Variants in CACNG2 observed in about 807,000 individuals in gnomAD.
CACNG2 encodes voltage-dependent calcium channel gamma-2 subunit.
In CACNG2, 3 loss-of-function variants were observed where a neutral mutation model predicts 25.9. The ratio of observed to expected loss-of-function variants is 0.12; its 90% CI spans 0.05 to 0.30. The LOEUF is 0.30. Among genes scored for constraint, CACNG2 ranks in the 10% least tolerant of loss-of-function variants. The pLI is 1.00. For synonymous variants in CACNG2, 167 were observed against 173.3 expected, an observed-to-expected ratio of 0.96 and a Z score of 0.29; for missense variants, 341 against 432.5, an observed-to-expected ratio of 0.79 and a Z score of 1.88.
chr22:36,667,772 A>G (rs116976826), intron 1 of CACNG2, among the ~76,000 whole-genome samples: 4 of 152,284 alleles, frequency 2.6e-5, no homozygotes, highest in Non-Finnish European at 5.9e-5. Context: ...TCCTTCGAGA[A>G]ATTAGGTCAC....
intron 1 of CACNG2, among the ~76,000 whole-genome samples, chr22:36,609,132 G>T (rs1471634653): frequency 6.6e-6 from 1 of 152,002 alleles, no homozygotes; most frequent in African/African-American, 2.4e-5. Context: ...CCTAGAGTGT[G>T]ATCGGGCAGG....
At chr22:36,691,816 C>A (rs1300180254) in intron 1 of CACNG2, among the ~76,000 whole-genome samples, 1 of 152,098 alleles carries the variant, frequency 6.6e-6, no homozygotes, top group Non-Finnish European at 1.5e-5. Context: ...CGAATGACTA[C>A]CTATTATTAT....
At position 36,702,339 on chromosome 22, in the gene CACNG2, G is replaced by A. The variant is rs765996670; in HGVS notation, c.211+27C>T. ...TGAAAGGGGAGGGGTGGGGTGGAGA[G>A]GGGGGAGGAGATGGGAAGTCAAGTA... On this transcript the variant is annotated intron_variant, in intron 1 of 3. Coordinates refer to ENST00000300105, the MANE Select transcript of CACNG2 (RefSeq NM_006078.5). 1.5e-5 allele frequency: 22 copies of A among 1,514,662 alleles called. No homozygotes were observed. In the East Asian group the frequency reaches 1.8e-4, roughly 12 times the overall value. The allele number at this position is 1,514,662 out of a possible 1,614,324, so 93.8% of individuals were successfully genotyped here.
At chr22:36,598,774 T>C (rs1234140702) in intron 1 of CACNG2, among the ~76,000 whole-genome samples, 1 of 151,506 alleles carries the variant, frequency 6.6e-6, no homozygotes, top group Non-Finnish European at 1.5e-5. Context: ...AGATCAGGAG[T>C]TCTAGACCAG....
At chr22:36,702,307 G>C (rs1252544607) in intron 1 of CACNG2, 59 bp downstream of exon 1, 11 of 1,042,844 alleles carry the variant, frequency 1.1e-5, no homozygotes, top group South Asian at 6.9e-5. Context: ...GGGTGGGGAG[G>C]GGGGAGTGAA....
At chr22:36,681,880 T>C (rs151225309) in intron 1 of CACNG2, among the ~76,000 whole-genome samples, 1 of 152,202 alleles carries the variant, frequency 6.6e-6, no homozygotes, top group African/African-American at 2.4e-5. Flanking sequence ...AGGCATGGCA[T>C]GTGTATGTTT....
intron 1 of CACNG2, among the ~76,000 whole-genome samples, chr22:36,599,160 T>C (rs995793691): frequency 6.6e-6 from 1 of 152,118 alleles, no homozygotes; most frequent in Non-Finnish European, 1.5e-5. Flanking sequence ...ATCGGAGAAA[T>C]GATAGCATAG....
chr22:36,660,379 G>T (rs2145982874), intron 1 of CACNG2, among the ~76,000 whole-genome samples: 1 of 152,388 alleles, frequency 6.6e-6, no homozygotes, highest in South Asian at 2.1e-4. Context: ...GCCCTCCAGT[G>T]CCAGGCGCGC....
At chr22:36,587,381 G>C in intron 2 of CACNG2, 84 bp downstream of exon 2, 1 of 989,460 alleles carries the variant, frequency 1.0e-6, no homozygotes, top group Non-Finnish European at 1.6e-6. Context: ...GGGCCTCTAG[G>C]TAGGCCTGGT....
chr22:36,592,157 T>C (rs114092130), intron 1 of CACNG2, among the ~76,000 whole-genome samples: 1 of 149,056 alleles, frequency 6.7e-6, no homozygotes, highest in African/African-American at 2.5e-5. Flanking sequence ...ATGGGAGGGA[T>C]TATGAGGATG....
intron 1 of CACNG2, among the ~76,000 whole-genome samples, chr22:36,648,872 C>T: frequency 6.6e-6 from 1 of 152,148 alleles, no homozygotes; most frequent in East Asian, 1.9e-4. Context: ...CATCTTAACC[C>T]CTATCTCTAA....
rs923382471 is a variant in CACNG2 at position 36,566,577 on chromosome 22, C to T, written c.296-84G>A. On this transcript the variant is annotated intron_variant, in intron 2 of 3. Transcript: ENST00000300105. ...ACAGAGGCAGGTGGGAGAGCAGCCC[C>T]GAGGCGCTGGGGGTTTATGGACACA... 9.8e-5 allele frequency: 143 copies of T among 1,460,210 alleles called. 1 individual carries two copies. In the African/African-American group the frequency reaches 1.0e-3, roughly 10 times the overall value. 90.5% of individuals were successfully genotyped at this position (1,460,210 alleles called of 1,614,324 possible). A position where few individuals can be genotyped will look rare whatever the true frequency, so the allele number is the denominator to read the frequency against.
intron 1 of CACNG2, among the ~76,000 whole-genome samples, chr22:36,650,462 C>T (rs1303197388): frequency 1.3e-5 from 2 of 152,100 alleles, no homozygotes; most frequent in African/African-American, 2.4e-5. Context: ...CCTCGACCTC[C>T]CAAGGCTCAA....
At chr22:36,661,160 T>C (rs1936788154) in intron 1 of CACNG2, among the ~76,000 whole-genome samples, 1 of 152,190 alleles carries the variant, frequency 6.6e-6, no homozygotes, top group Non-Finnish European at 1.5e-5. Context: ...TTCAGTCTCC[T>C]ATCAGTCTCT....
rs1935084567 is a variant in CACNG2, at chr22:36,564,282, C to G, written c.*69G>C. 1 of 1,447,204 alleles carries G rather than the reference C, an allele frequency of 6.9e-7. No individual in the cohort carries two copies. Among genetic ancestry groups the G allele is most frequent in the Admixed American group, 2.1e-5 (1 of 46,646 alleles). 89.6% of individuals were successfully genotyped at this position (1,447,204 alleles called of 1,614,324 possible). A position where few individuals can be genotyped will look rare whatever the true frequency, so the allele number is the denominator to read the frequency against. On this transcript the variant is annotated 3_prime_UTR_variant, in exon 4 of 4. Transcript: ENST00000300105. The surrounding 1 kb of genome is among the most constrained non-coding windows in gnomAD (Gnocchi z 6.7). ...AGGTCTCCCAGCGGAGGGTCTGGGT[C>G]TCCCCGCCCCGCCCCGCCCCCGGGG...
Position 36,666,991 on chromosome 22 carries a change from A to AT in CACNG2, c.211+35374dup, listed in dbSNP as rs35100359. 7.4e-3 allele frequency among the ~76,000 whole-genome samples: 1,001 copies of AT among 134,384 alleles called. 4 individuals are homozygous for AT. The highest frequency in any genetic ancestry group is 0.015 in the Middle Eastern group (4 of 266). 88.2% of individuals were successfully genotyped at this position (134,384 alleles called of 152,430 possible). ...GACTCACACGCAACATGGGATCACC[A>AT]TTTTTTTTTTTTTTTTGAGATGGAG... On this transcript the variant is annotated intron_variant, in intron 1 of 3. Transcript: ENST00000300105.
At chr22:36,567,957 C>G (rs1255789650) in intron 2 of CACNG2, among the ~76,000 whole-genome samples, 2 of 152,112 alleles carry the variant, frequency 1.3e-5, no homozygotes, top group Non-Finnish European at 2.9e-5. Context: ...TCAAGTGATT[C>G]TCCTGCCTCA....
intron 1 of CACNG2, among the ~76,000 whole-genome samples, chr22:36,654,129 C>T (rs1936668892): frequency 6.6e-6 from 1 of 151,908 alleles, no homozygotes; most frequent in Non-Finnish European, 1.5e-5. Flanking sequence ...CCACACCTGC[C>T]TCAAATAAAT....
chr22:36,591,321 G>A (rs73171817), intron 1 of CACNG2, among the ~76,000 whole-genome samples: 30,767 of 151,996 alleles, frequency 0.2, 3,483 homozygotes, highest in East Asian at 0.31. Flanking sequence ...GAGCCACCGC[G>A]CCCGGCCTAA....
Sources: gnomAD v4.1 joint callset for allele counts (sites outside exome capture counted in the v4.1 genomes callset) on GRCh38, gnomAD v4.1.1 for gene constraint, Gnocchi (gnomAD v3.1) non-coding constraint, MANE v1.5 for transcripts, NCBI Gene and HGNC (gene_info 2026-07-23, HGNC 2026-07-21) for gene names.